The following SBF2 variants were observed in gnomAD, a reference collection of about 807,000 sequenced individuals.
SBF2 encodes the protein myotubularin-related protein 13.
In SBF2, 112 loss-of-function variants were observed where a neutral mutation model predicts 225.2. The ratio of observed to expected loss-of-function variants is 0.50; its 90% CI spans 0.43 to 0.58. SBF2 has a LOEUF of 0.58. Ranked by LOEUF, SBF2 falls within the 20% of genes least tolerant of loss-of-function variation. The probability of loss-of-function intolerance (pLI) is 0.00; values close to 1 mark genes in which losing one functional copy is unlikely to be tolerated. For synonymous variants in SBF2, 763 were observed against 773.3 expected, an observed-to-expected ratio of 0.99 and a Z score of 0.22; for missense variants, 1,996 against 2,206.2, an observed-to-expected ratio of 0.90 and a Z score of 1.91.
intron 1 of SBF2, among the ~76,000 whole-genome samples, chr11:10,280,753 T>C (rs760066446): frequency 1.3e-5 from 2 of 150,638 alleles, no homozygotes; most frequent in Non-Finnish European, 2.9e-5. Flanking sequence ...CATGGTGTAC[T>C]GCAGTATGGG....
intron 3 of SBF2, 136 bp from the exon 4 acceptor site, chr11:10,031,306 C>A: frequency 1.2e-6 from 1 of 832,808 alleles, no homozygotes; most frequent in Admixed American, 2.9e-5. Context: ...AATCAAACTA[C>A]AAATAAAGAA....
In SBF2 at chr11:10,228,383, C is replaced by CA. The variant is rs1565377383; in HGVS notation, c.56-34397dup. On this transcript the variant is annotated intron_variant, in intron 1 of 39. Coordinates refer to ENST00000256190, the MANE Select transcript of SBF2 (RefSeq NM_030962.4). ...GTTCAATAGGAGTGGTGAGAGAGGG[C>CA]ATCCCTGTCTTGTGCCAGTTTTCAA... is the stretch of plus-strand genomic sequence containing the variant. 2.6e-5 allele frequency among the ~76,000 whole-genome samples: 4 copies of CA among 152,200 alleles called. No individual in the cohort carries two copies. The South Asian group carries it at 8.3e-4, about 32-fold the overall frequency.
intron 30 of SBF2, 91 bp from the exon 31 acceptor site, chr11:9,809,093 G>A (rs771172605): frequency 2.0e-5 from 18 of 908,466 alleles, no homozygotes; most frequent in East Asian, 1.7e-4. Context: ...ATAATCAAAC[G>A]ACTTAGGGAT....
intron 2 of SBF2, among the ~76,000 whole-genome samples, chr11:10,146,414 G>T (rs1954888153): frequency 6.6e-6 from 1 of 151,812 alleles, no homozygotes. Flanking sequence ...CAGAAGTAAG[G>T]CTGCATAACT....
intron 3 of SBF2, among the ~76,000 whole-genome samples, chr11:10,032,202 A>C (rs966917777): frequency 6.6e-6 from 1 of 152,236 alleles, no homozygotes; most frequent in African/African-American, 2.4e-5. Context: ...ACACTGGTTA[A>C]TAAACTTGAC....
chr11:10,086,149 C>T (rs1207853292), intron 2 of SBF2, among the ~76,000 whole-genome samples: 1 of 151,794 alleles, frequency 6.6e-6, no homozygotes, highest in Non-Finnish European at 1.5e-5. Flanking sequence ...TTTCCTTTTT[C>T]TTCTTTATAC....
At chr11:10,054,563 C>G (rs918649873) in intron 2 of SBF2, among the ~76,000 whole-genome samples, 1 of 151,972 alleles carries the variant, frequency 6.6e-6, no homozygotes, top group East Asian at 1.9e-4. Flanking sequence ...TGAAGCAGAC[C>G]TAATTGAACT....
chr11:10,080,448 T>C (rs910202117), intron 2 of SBF2, among the ~76,000 whole-genome samples: 2 of 150,890 alleles, frequency 1.3e-5, no homozygotes, highest in African/African-American at 4.9e-5. Flanking sequence ...AACACAAAAG[T>C]ATAAAACTCA....
At chr11:10,203,335 T>G (rs1281335998) in intron 1 of SBF2, among the ~76,000 whole-genome samples, 1 of 152,130 alleles carries the variant, frequency 6.6e-6, no homozygotes, top group Non-Finnish European at 1.5e-5. Flanking sequence ...ACGAAAAAAC[T>G]TGCATAATTC....
chr11:10,127,269 A>T (rs1325804092), intron 2 of SBF2, among the ~76,000 whole-genome samples: 2 of 152,140 alleles, frequency 1.3e-5, no homozygotes, highest in African/African-American at 4.8e-5. Flanking sequence ...TAAAGATTCT[A>T]CATAATTAGT....
At chr11:10,103,048 C>A (rs141599311) in intron 2 of SBF2, among the ~76,000 whole-genome samples, 2 of 152,198 alleles carry the variant, frequency 1.3e-5, no homozygotes, top group Admixed American at 1.3e-4. Context: ...AGAGAAGAAA[C>A]AGATTCAGTT....
intron 37 of SBF2, among the ~76,000 whole-genome samples, chr11:9,784,763 CT>C (rs1419381724): frequency 6.6e-6 from 1 of 152,222 alleles, no homozygotes; most frequent in African/African-American, 2.4e-5. Context: ...ATACCCTTGG[CT>C]GTCCTAGCTT....
intron 17 of SBF2, among the ~76,000 whole-genome samples, chr11:9,889,503 A>T (rs571076538): frequency 1.3e-5 from 2 of 152,254 alleles, no homozygotes; most frequent in Admixed American, 1.3e-4. Context: ...ATGTAAATTT[A>T]TATTTCTTTA....
At chr11:10,081,130 T>C (rs1195553708) in intron 2 of SBF2, among the ~76,000 whole-genome samples, 1 of 152,018 alleles carries the variant, frequency 6.6e-6, no homozygotes, top group Non-Finnish European at 1.5e-5. Context: ...AAGGAATATA[T>C]CAACAGATGG....
At chr11:9,882,575 AAGG>A (rs1859873148) in intron 17 of SBF2, among the ~76,000 whole-genome samples, 1 of 151,938 alleles carries the variant, frequency 6.6e-6, no homozygotes, top group African/African-American at 2.4e-5. Flanking sequence ...TTGGGAGGCC[AAGG>A]CGGGCGGATC....
intron 2 of SBF2, among the ~76,000 whole-genome samples, chr11:10,106,497 C>T (rs61878627): frequency 0.15 from 22,677 of 151,882 alleles, 1,865 homozygotes; most frequent in East Asian, 0.28. Flanking sequence ...GACGTGGTGG[C>T]GTGCACCTGT....
chr11:10,250,520 G>A (rs1405204355), intron 1 of SBF2, among the ~76,000 whole-genome samples: 1 of 152,140 alleles, frequency 6.6e-6, no homozygotes, highest in East Asian at 1.9e-4. Flanking sequence ...TAAAACCAAT[G>A]TTTGGTTCCA....
chr11:10,212,012 T>C (rs1822294), intron 1 of SBF2, among the ~76,000 whole-genome samples: 11,125 of 152,240 alleles, frequency 0.073, 587 homozygotes, highest in East Asian at 0.28. Flanking sequence ...AAACCAGAGT[T>C]AGCAGGCTGA....
At chr11:10,284,384 A>AT (rs1349960332) in intron 1 of SBF2, among the ~76,000 whole-genome samples, 44 of 152,018 alleles carry the variant, frequency 2.9e-4, no homozygotes, top group African/African-American at 1.1e-3. Flanking sequence ...AATTCCTCCC[A>AT]ATTACCCTTT....
Sources: gnomAD v4.1 joint callset for allele counts (sites outside exome capture counted in the v4.1 genomes callset) on GRCh38, gnomAD v4.1.1 for gene constraint, MANE v1.5 for transcripts, NCBI Gene and HGNC (gene_info 2026-07-23, HGNC 2026-07-21) for gene names.